Variants in OPRM1 observed in about 807,000 individuals in gnomAD.
OPRM1 encodes the protein mu-type opioid receptor.
Under a neutral mutation model 31.8 loss-of-function variants are expected in OPRM1, and 27 were observed. The ratio of observed to expected loss-of-function variants is 0.85; its 90% CI spans 0.63 to 1.17. The LOEUF (loss-of-function observed/expected upper bound fraction) is 1.17, where lower values mean the gene tolerates loss of function less well. Among genes scored for constraint, OPRM1 ranks in the 50% most tolerant of loss-of-function variants. The pLI, the probability that OPRM1 is intolerant of heterozygous loss-of-function variation, is 0.00. For synonymous variants in OPRM1, 196 were observed against 189.9 expected, an observed-to-expected ratio of 1.03 and a Z score of -0.26; for missense variants, 536 against 511.1, an observed-to-expected ratio of 1.05 and a Z score of -0.47.
Position 154,099,365 on chromosome 6 carries a change from GAGAAAGAA to G in OPRM1, c.1164+7897_1164+7904del, listed in dbSNP as rs369263305. 1.5e-3 allele frequency among the ~76,000 whole-genome samples: 224 copies of G among 144,758 alleles called. 1 individual carries two copies. The South Asian group carries it at 0.023, about 15-fold the overall frequency. 95.0% of individuals were successfully genotyped at this position (144,758 alleles called of 152,430 possible). A position where few individuals can be genotyped will look rare whatever the true frequency, so the allele number is the denominator to read the frequency against. On this transcript the variant is annotated intron_variant, in intron 3 of 3. Transcript: ENST00000330432. ...GAAGAGAGCGAGAGAGAGAGAGAGA[GAGAAAGAA>G]AGAGAAAGAAAGAGAAAGAAAGAAA...
At chr6:154,204,783 T>C (rs986243951) in intron 3 of OPRM1, among the ~76,000 whole-genome samples, 1 of 152,034 alleles carries the variant, frequency 6.6e-6, no homozygotes, top group African/African-American at 2.4e-5. Context: ...ACACAAAAAG[T>C]CCACAATATT....
chr6:154,130,310 A>AGCCCACCAGCTACT lies in OPRM1; in HGVS notation c.*11590_*11591insCCCACCAGCTACTG, dbSNP rs1412604229. Among the ~76,000 whole-genome samples the AGCCCACCAGCTACT allele has an allele frequency of 4.6e-5, 7 of 151,604 alleles. No homozygotes were observed. Among genetic ancestry groups the AGCCCACCAGCTACT allele is most frequent in the Admixed American group, 2.0e-4 (3 of 15,210 alleles). On this transcript the variant is annotated 3_prime_UTR_variant, in exon 4 of 4. Transcript: ENST00000330432. ...CAGCCTCCTGAGTAGCTGGGACTAC[A>AGCCCACCAGCTACT]GGTGCCCGCCACAACACCTGGCTAA...
intron 3 of OPRM1, among the ~76,000 whole-genome samples, chr6:154,234,094 A>G (rs1382532878): frequency 6.6e-6 from 1 of 152,158 alleles, no homozygotes; most frequent in Non-Finnish European, 1.5e-5. Flanking sequence ...TGTGGCCTCA[A>G]TTATGCAGGA....
At chr6:154,028,849 T>A (rs1778849087) in intron 1 of OPRM1, among the ~76,000 whole-genome samples, 1 of 152,200 alleles carries the variant, frequency 6.6e-6, no homozygotes, top group African/African-American at 2.4e-5. Context: ...AGGAATGGTG[T>A]TGGTGATTCA....
chr6:154,243,467 AG>A (rs1367886585), intron 3 of OPRM1, among the ~76,000 whole-genome samples: 14 of 152,202 alleles, frequency 9.2e-5, no homozygotes, highest in African/African-American at 2.9e-4. Flanking sequence ...TGAAAGAAAA[AG>A]GTAGACTATG....
intron 3 of OPRM1, among the ~76,000 whole-genome samples, chr6:154,222,249 C>T (rs1044962948): frequency 6.6e-6 from 1 of 152,244 alleles, no homozygotes; most frequent in South Asian, 2.1e-4. Context: ...AGTCCTGCAG[C>T]ACGGCACAGG....
intron 3 of OPRM1, among the ~76,000 whole-genome samples, chr6:154,186,368 A>G (rs1801343887): frequency 6.6e-6 from 1 of 152,184 alleles, no homozygotes; most frequent in Non-Finnish European, 1.5e-5. Flanking sequence ...GCATGTCAGC[A>G]AATTCCATTG....
chr6:154,065,978 A>C (rs1785314780), intron 1 of OPRM1, among the ~76,000 whole-genome samples: 1 of 152,158 alleles, frequency 6.6e-6, no homozygotes. Flanking sequence ...TTATCATGAA[A>C]GTGTGTTGAG....
intron 3 of OPRM1, among the ~76,000 whole-genome samples, chr6:154,197,675 A>G (rs543613963): frequency 5.3e-4 from 81 of 152,330 alleles, no homozygotes; most frequent in Non-Finnish European, 1.0e-3. Flanking sequence ...CTGGAATGGC[A>G]TTTAGCCAGG....
At chr6:154,180,351 T>C (rs1226545044) in intron 3 of OPRM1, among the ~76,000 whole-genome samples, 1 of 148,436 alleles carries the variant, frequency 6.7e-6, no homozygotes, top group Non-Finnish European at 1.5e-5. Flanking sequence ...AGGAGACATA[T>C]ATATATATAT....
chr6:154,043,587 A>G (rs938631390), intron 1 of OPRM1, among the ~76,000 whole-genome samples: 3 of 151,852 alleles, frequency 2.0e-5, no homozygotes, highest in Non-Finnish European at 4.4e-5. Context: ...ATTTGAATCA[A>G]TTTGAATGCA....
In OPRM1 at chr6:154,129,280, A is replaced by C. The variant is rs975143282; in HGVS notation, c.*10559A>C. Among the ~76,000 whole-genome samples the C allele has an allele frequency of 8.3e-4, 127 of 152,270 alleles. 1 individual carries two copies. The highest frequency in any genetic ancestry group is 2.9e-3 in the African/African-American group (120 of 41,482). Reference sequence around the variant, plus strand: ...GACAGGGAGTTCTTCTATACAATAGAGAACAGAACAATGTTCTTCTATACA... The same window carrying C: ...GACAGGGAGTTCTTCTATACAATAGCGAACAGAACAATGTTCTTCTATACA... On this transcript the variant is annotated 3_prime_UTR_variant, in exon 4 of 4. Coordinates refer to ENST00000330432, the MANE Select transcript of OPRM1 (RefSeq NM_000914.5).
intron 3 of OPRM1, among the ~76,000 whole-genome samples, chr6:154,103,161 A>G (rs565083210): frequency 3.0e-4 from 45 of 152,306 alleles, no homozygotes; most frequent in South Asian, 2.1e-3. Flanking sequence ...ACAAACTACA[A>G]TGAAACACAA....
chr6:154,145,599 C>G (rs1238512769), intron 3 of OPRM1, among the ~76,000 whole-genome samples: 3 of 152,198 alleles, frequency 2.0e-5, no homozygotes, highest in Non-Finnish European at 4.4e-5. Context: ...AGGTTTTTCC[C>G]AGCAATGGGT....
chr6:154,120,282 A>G lies in OPRM1; in HGVS notation c.*1561A>G, dbSNP rs758613193. On this transcript the variant is annotated 3_prime_UTR_variant, in exon 4 of 4. Transcript: ENST00000330432. Reference sequence around the variant, plus strand: ...CCAGATATACAAAAGCAATGTTTCTAGAAAACAGCTATCATGGATCAGAAT... The same window carrying G: ...CCAGATATACAAAAGCAATGTTTCTGGAAAACAGCTATCATGGATCAGAAT... 2.6e-5 allele frequency among the ~76,000 whole-genome samples: 4 copies of G among 152,208 alleles called. No homozygotes were observed. The highest frequency in any genetic ancestry group is 5.9e-5 in the Non-Finnish European group (4 of 68,018).
chr6:154,021,935 C>T (rs1778399690), intron 1 of OPRM1, among the ~76,000 whole-genome samples: 2 of 151,916 alleles, frequency 1.3e-5, no homozygotes, highest in Admixed American at 1.3e-4. Context: ...CTTCTTCTTC[C>T]CAATCTGTAT....
intron 3 of OPRM1, among the ~76,000 whole-genome samples, chr6:154,238,929 TTA>T (rs1780357020): frequency 6.6e-6 from 1 of 151,658 alleles, no homozygotes; most frequent in African/African-American, 2.4e-5. Flanking sequence ...GTTGTTTTTT[TTA>T]AAAAAAAAAA....
chr6:154,164,163 A>G (rs1261454305), intron 3 of OPRM1, among the ~76,000 whole-genome samples: 1 of 152,208 alleles, frequency 6.6e-6, no homozygotes, highest in Non-Finnish European at 1.5e-5. Flanking sequence ...AATTTTTCAT[A>G]TTAAAAAATT....
chr6:154,226,751 G>T (rs1779284112), intron 3 of OPRM1, among the ~76,000 whole-genome samples: 1 of 152,042 alleles, frequency 6.6e-6, no homozygotes. Flanking sequence ...TAAATACCCT[G>T]CATGGTGTCC....
Sources: allele counts gnomAD v4.1 joint callset (sites outside exome capture counted in the v4.1 genomes callset), GRCh38; gene constraint gnomAD v4.1.1; transcripts MANE v1.5; gene names NCBI Gene and HGNC (gene_info 2026-07-23, HGNC 2026-07-21).